TTLL9: variants seen among roughly 807,000 people sequenced by gnomAD.
TTLL9 encodes probable tubulin polyglutamylase TTLL9.
A neutral mutation model predicts 65.6 loss-of-function variants in TTLL9; 47 were observed. The observed-to-expected ratio is 0.72, with a 90% CI of 0.57 to 0.91. TTLL9 has a LOEUF of 0.91. Among genes scored for constraint, TTLL9 ranks in the 40% least tolerant of loss-of-function variants. TTLL9 has a pLI of 0.00. For synonymous variants in TTLL9, 179 were observed against 204.8 expected, an observed-to-expected ratio of 0.87 and a Z score of 1.07; for missense variants, 537 against 568.8, an observed-to-expected ratio of 0.94 and a Z score of 0.57.
intron 2 of TTLL9, among the ~76,000 whole-genome samples, chr20:31,882,208 G>A (rs1210922021): frequency 2.0e-5 from 3 of 152,264 alleles, no homozygotes; most frequent in South Asian, 4.1e-4. Flanking sequence ...GGTTATGGTC[G>A]CCAAGACCTC....
At chr20:31,899,642 AAAG>A (rs869103263) in intron 4 of TTLL9, among the ~76,000 whole-genome samples, 1 of 149,276 alleles carries the variant, frequency 6.7e-6, no homozygotes, top group African/African-American at 2.5e-5. Context: ...TCAAAAAAAA[AAAG>A]AGAGAGAGAG....
In TTLL9 at chr20:31,943,069, C is replaced by A. The variant is rs761440396; in HGVS notation, c.*48C>A. The A allele has an allele frequency of 5.2e-6, 8 of 1,523,846 alleles. No homozygotes were observed. The African/African-American group carries it at 9.6e-5, about 18-fold the overall frequency. 94.4% of individuals were successfully genotyped at this position (1,523,846 alleles called of 1,614,324 possible). Reference sequence around the variant, plus strand: ...CAGCCTTAGCAGGTGCCACCCAGGCCTCCCCCCCACTCCCAGATCCCAGCA... The same window carrying A: ...CAGCCTTAGCAGGTGCCACCCAGGCATCCCCCCCACTCCCAGATCCCAGCA... On this transcript the variant is annotated 3_prime_UTR_variant, in exon 15 of 15. Transcript: ENST00000535842.
In TTLL9 at chr20:31,944,839, C is replaced by T. The variant is rs932000128; in HGVS notation, c.*1818C>T. The T allele has an allele frequency of 6.6e-6, 1 of 152,196 alleles. No homozygotes were observed. Among genetic ancestry groups the T allele is most frequent in the African/African-American group, 2.4e-5 (1 of 41,440 alleles). 9.4% of individuals were successfully genotyped at this position (152,196 alleles called of 1,614,324 possible). ...CTGCCATGCTGCCATTTGTTATCAC[C>T]CGCCTGTCAAATCACAGGTTTATTT... On this transcript the variant is annotated 3_prime_UTR_variant, in exon 15 of 15. Coordinates refer to ENST00000535842, the MANE Select transcript of TTLL9 (RefSeq NM_001008409.5).
At chr20:31,925,113 G>T in intron 9 of TTLL9, 64 bp downstream of exon 9, 1 of 1,544,212 alleles carries the variant, frequency 6.5e-7, no homozygotes. Flanking sequence ...CTAGGGAGAT[G>T]GGGGGAAGAG....
intron 2 of TTLL9, among the ~76,000 whole-genome samples, chr20:31,873,428 C>T (rs951757965): frequency 9.9e-5 from 15 of 152,124 alleles, no homozygotes; most frequent in East Asian, 3.9e-4. Context: ...GCGGGAACAT[C>T]GCTTGAGCCC....
chr20:31,871,286 A>T, intron 2 of TTLL9, 91 bp downstream of exon 2: 1 of 1,406,968 alleles, frequency 7.1e-7, no homozygotes, highest in East Asian at 2.3e-5. Context: ...GGGTCCTGGA[A>T]GGGGTCTGGA....
chr20:31,923,651 T>C (rs942201217), intron 8 of TTLL9, among the ~76,000 whole-genome samples: 2 of 152,186 alleles, frequency 1.3e-5, no homozygotes, highest in African/African-American at 4.8e-5. Flanking sequence ...CCCCGCAAGC[T>C]TGGTGGGTTT....
At chr20:31,942,597 G>T (rs1475361041) in intron 14 of TTLL9, among the ~76,000 whole-genome samples, 1 of 152,172 alleles carries the variant, frequency 6.6e-6, no homozygotes, top group African/African-American at 2.4e-5. Context: ...TAACCTCTCT[G>T]AGCCTGTTTT....
At chr20:31,873,168 G>A (rs758292375) in intron 2 of TTLL9, 1 of 384,730 alleles carries the variant, frequency 2.6e-6, no homozygotes, top group Admixed American at 3.3e-5. Context: ...GGATGTGGGG[G>A]GAAGGAAGGA....
chr20:31,925,782 A>G (rs1294395654), intron 9 of TTLL9: 5 of 1,193,298 alleles, frequency 4.2e-6, no homozygotes. Flanking sequence ...CTCCGGGTGG[A>G]GGAAACGGTA....
intron 5 of TTLL9, among the ~76,000 whole-genome samples, 158 bp from the exon 6 acceptor site, chr20:31,909,579 T>C (rs1350146225): frequency 6.6e-6 from 1 of 152,166 alleles, no homozygotes; most frequent in Non-Finnish European, 1.5e-5. Flanking sequence ...GGATAATTCT[T>C]GACTAGCAAG....
chr20:31,889,726 AT>A (rs1330892468), intron 3 of TTLL9, among the ~76,000 whole-genome samples: 15 of 123,726 alleles, frequency 1.2e-4, no homozygotes, highest in African/African-American at 4.4e-4. Flanking sequence ...GGCCTAGCTA[AT>A]TTTTTTAATT....
At chr20:31,877,408 C>T (rs1305750984) in intron 2 of TTLL9, among the ~76,000 whole-genome samples, 2 of 152,202 alleles carry the variant, frequency 1.3e-5, no homozygotes, top group Admixed American at 6.5e-5. Flanking sequence ...GCTGAGATTA[C>T]AGGCGTGAGC....
chr20:31,920,227 G>GCACA (rs1271389019), intron 7 of TTLL9, among the ~76,000 whole-genome samples: 2,945 of 102,044 alleles, frequency 0.029, 86 homozygotes, highest in African/African-American at 0.1. Flanking sequence ...AAGCAAACAC[G>GCACA]CGCACACACA....
At chr20:31,883,453 C>A (rs2063146201) in intron 2 of TTLL9, among the ~76,000 whole-genome samples, 2 of 152,286 alleles carry the variant, frequency 1.3e-5, no homozygotes, top group East Asian at 3.9e-4. Context: ...GCCTCAGTCT[C>A]CCAAAGTGCT....
intron 7 of TTLL9, among the ~76,000 whole-genome samples, chr20:31,920,429 A>G (rs2063800049): frequency 6.6e-6 from 1 of 152,112 alleles, no homozygotes; most frequent in African/African-American, 2.4e-5. Flanking sequence ...GTCCCAAGAC[A>G]CAGTACAGTA....
intron 7 of TTLL9, among the ~76,000 whole-genome samples, chr20:31,922,264 CAAAAA>C (rs35848180): frequency 3.0e-5 from 4 of 132,286 alleles, no homozygotes; most frequent in Non-Finnish European, 4.9e-5. Flanking sequence ...GACTCATTCT[CAAAAA>C]AAAAAAAAAA....
chr20:31,894,480 T>A (rs2063354421), intron 3 of TTLL9, among the ~76,000 whole-genome samples: 2 of 150,200 alleles, frequency 1.3e-5, no homozygotes, highest in Admixed American at 6.7e-5. Flanking sequence ...TAATAATTTT[T>A]AAATTTCTTC....
At chr20:31,879,699 G>A (rs951940340) in intron 2 of TTLL9, 6 of 940,012 alleles carry the variant, frequency 6.4e-6, no homozygotes, top group Admixed American at 2.8e-5. Context: ...TAGGCTGCCA[G>A]GACGCCCAAT....
Sources: allele counts gnomAD v4.1 joint callset (sites outside exome capture counted in the v4.1 genomes callset), GRCh38; gene constraint gnomAD v4.1.1; transcripts MANE v1.5; gene names NCBI Gene and HGNC (gene_info 2026-07-23, HGNC 2026-07-21).